NINL: variants seen among roughly 807,000 people sequenced by gnomAD.
NINL encodes ninein like.
Under a neutral mutation model 160.3 loss-of-function variants are expected in NINL, and 153 were observed. The observed-to-expected ratio is 0.95, with a 90% CI of 0.84 to 1.09. The LOEUF is 1.09. NINL is among the 50% of genes least tolerant of loss of function. The probability of loss-of-function intolerance (pLI) is 0.00; values close to 1 mark genes in which losing one functional copy is unlikely to be tolerated. For synonymous variants in NINL, 800 were observed against 734.8 expected (o/e 1.09, Z -1.43); for missense variants, 1,829 against 1,764.0 (o/e 1.04, Z -0.66).
chr20:25,480,022 C>T (rs749301642), intron 15 of NINL, 139 bp downstream of exon 15: 56 of 653,726 alleles, frequency 8.6e-5, no homozygotes, highest in Middle Eastern at 4.1e-4. Context: ...TCTCTACAAA[C>T]TTTCCTCCCC....
chr20:25,569,960 G>C (rs1229802217), intron 1 of NINL, among the ~76,000 whole-genome samples: 1 of 151,958 alleles, frequency 6.6e-6, no homozygotes, highest in East Asian at 1.9e-4. Context: ...CAAGGTAGGA[G>C]GATCACTCAG....
chr20:25,461,680 A>C, intron 20 of NINL, 45 bp from the exon 21 acceptor site: 1 of 1,272,886 alleles, frequency 7.9e-7, no homozygotes, highest in Non-Finnish European at 1.1e-6. Context: ...GTATCTGAAG[A>C]GTCTGGTATG....
chr20:25,467,259 C>T lies in NINL; in HGVS notation c.3423+130G>A, dbSNP rs1206146975. The T allele has an allele frequency of 1.4e-5, 11 of 809,400 alleles. No homozygotes were observed. In the East Asian group the frequency reaches 1.7e-4, roughly 13 times the overall value. The allele number at this position is 809,400 out of a possible 1,614,324, so 50.1% of individuals were successfully genotyped here. On this transcript the variant is annotated intron_variant, in intron 19 of 23. Coordinates refer to ENST00000278886, the MANE Select transcript of NINL (RefSeq NM_025176.6). ...TCTGACTTTGATGGGGCCTGGGGGC[C>T]AGTCAGCAACTCACTGTCAAGTCTT...
chr20:25,454,242 T>G (rs928965737), intron 23 of NINL, among the ~76,000 whole-genome samples: 4 of 152,126 alleles, frequency 2.6e-5, no homozygotes, highest in Non-Finnish European at 5.9e-5. Context: ...GGTCAGAGTG[T>G]GGAACAGGTT....
At chr20:25,463,922 CGT>C (rs2146348071) in intron 19 of NINL, among the ~76,000 whole-genome samples, 1 of 152,296 alleles carries the variant, frequency 6.6e-6, no homozygotes, top group South Asian at 2.1e-4. Flanking sequence ...ACGACATAAG[CGT>C]GTGGCAGTTG....
chr20:25,461,084 C>T (rs1177106495), intron 21 of NINL, among the ~76,000 whole-genome samples: 1 of 152,216 alleles, frequency 6.6e-6, no homozygotes, highest in African/African-American at 2.4e-5. Flanking sequence ...TGTGTCTGCA[C>T]CTCCCGCGCC....
intron 2 of NINL, among the ~76,000 whole-genome samples, chr20:25,522,827 A>G (rs2064286434): frequency 6.6e-6 from 1 of 152,166 alleles, no homozygotes; most frequent in Non-Finnish European, 1.5e-5. Flanking sequence ...AACCCCATAT[A>G]TTCAGGTATT....
At chr20:25,581,211 A>C (rs898667867) in intron 1 of NINL, among the ~76,000 whole-genome samples, 1 of 152,238 alleles carries the variant, frequency 6.6e-6, no homozygotes, top group African/African-American at 2.4e-5. Context: ...TGGGAAGCCA[A>C]GGCAGGTGGA....
At chr20:25,527,867 A>T (rs1485916547) in intron 1 of NINL, among the ~76,000 whole-genome samples, 1 of 152,206 alleles carries the variant, frequency 6.6e-6, no homozygotes, top group Non-Finnish European at 1.5e-5. Context: ...GAAATTCCTT[A>T]TATTTAAGAA....
At chr20:25,498,038 G>A (rs919009813) in intron 9 of NINL, among the ~76,000 whole-genome samples, 172 bp downstream of exon 9, 19 of 152,202 alleles carry the variant, frequency 1.2e-4, no homozygotes, top group Non-Finnish European at 2.4e-4. Context: ...CTCTGCGAGC[G>A]CCGGCTTGAG....
At chr20:25,544,285 G>C (rs1487936835) in intron 1 of NINL, among the ~76,000 whole-genome samples, 1 of 152,046 alleles carries the variant, frequency 6.6e-6, no homozygotes, top group Non-Finnish European at 1.5e-5. Flanking sequence ...GGATAAAAGA[G>C]GTGCACAGGA....
At chr20:25,512,563 C>T (rs921931379) in intron 4 of NINL, among the ~76,000 whole-genome samples, 1 of 152,172 alleles carries the variant, frequency 6.6e-6, no homozygotes, top group Non-Finnish European at 1.5e-5. Context: ...CCTGAGGCAT[C>T]CCCAGCCATG....
intron 1 of NINL, among the ~76,000 whole-genome samples, chr20:25,569,738 A>G (rs6083883): frequency 0.97 from 147,858 of 152,262 alleles, 71,933 homozygotes; most frequent in Non-Finnish European, 1. Context: ...ACGGAGGCGG[A>G]GGAAGCAGCC....
At position 25,541,071 on chromosome 20, in the gene NINL, A is replaced by C. The variant is rs556224738; in HGVS notation, c.-11-14473T>G. The stretch of plus-strand genomic sequence containing the variant: ...AGTAGATTTTTAGACTAAAAACTAC[A>C]AAGATACCAAATGTTAAAACTGTCC... On this transcript the variant is annotated intron_variant, in intron 1 of 23. Coordinates refer to ENST00000278886, the MANE Select transcript of NINL (RefSeq NM_025176.6). Among the ~76,000 whole-genome samples, 6 of 152,332 alleles carry C rather than the reference A, an allele frequency of 3.9e-5. No homozygotes were observed. The South Asian group carries it at 1.0e-3, about 26-fold the overall frequency.
chr20:25,469,347 C>T (rs1239804074), intron 18 of NINL, among the ~76,000 whole-genome samples: 2 of 138,834 alleles, frequency 1.4e-5, no homozygotes, highest in Admixed American at 7.1e-5. Flanking sequence ...CCCTGTCCCC[C>T]GACTTTCACT....
At chr20:25,556,314 C>A (rs538036348) in intron 1 of NINL, among the ~76,000 whole-genome samples, 1 of 152,136 alleles carries the variant, frequency 6.6e-6, no homozygotes, top group South Asian at 2.1e-4. Flanking sequence ...TTATGTAACA[C>A]AAAAAACTTT....
At chr20:25,523,614 A>C (rs1471265409) in intron 2 of NINL, among the ~76,000 whole-genome samples, 3 of 151,950 alleles carry the variant, frequency 2.0e-5, no homozygotes, top group African/African-American at 7.3e-5. Context: ...TATGATAGTT[A>C]CTACAAGGAC....
intron 2 of NINL, among the ~76,000 whole-genome samples, chr20:25,518,192 C>G (rs564093592): frequency 3.9e-5 from 6 of 152,228 alleles, no homozygotes; most frequent in Non-Finnish European, 8.8e-5. Context: ...AAGGCGTCTC[C>G]GCCACGACCC....
At chr20:25,528,393 T>C (rs1262596008) in intron 1 of NINL, among the ~76,000 whole-genome samples, 4 of 152,174 alleles carry the variant, frequency 2.6e-5, no homozygotes, top group Admixed American at 1.3e-4. Context: ...ATAAAAACTT[T>C]ATAATAATAG....
Sources: gnomAD v4.1 joint callset for allele counts (sites outside exome capture counted in the v4.1 genomes callset) on GRCh38, gnomAD v4.1.1 for gene constraint, MANE v1.5 for transcripts, NCBI Gene and HGNC (gene_info 2026-07-23, HGNC 2026-07-21) for gene names.